Variants in ARMC3 observed in about 807,000 individuals in gnomAD.
The protein encoded by ARMC3 is armadillo repeat containing 3.
Under a neutral mutation model 90.3 loss-of-function variants are expected in ARMC3, and 74 were observed. That is an observed-to-expected ratio of 0.82 (90% CI 0.68 to 0.99). The LOEUF (loss-of-function observed/expected upper bound fraction) is 0.99. Ranked by LOEUF, ARMC3 falls within the 50% of genes least tolerant of loss-of-function variation. The probability of loss-of-function intolerance (pLI) is 0.00; values close to 1 mark genes in which losing one functional copy is unlikely to be tolerated. For missense variants in ARMC3, 958 were observed against 1,042.8 expected (o/e 0.92, Z 1.12); for synonymous variants, 334 against 361.8 (o/e 0.92, Z 0.87).
intron 16 of ARMC3, among the ~76,000 whole-genome samples, chr10:23,015,441 C>T (rs78407504): frequency 3.2e-4 from 49 of 152,308 alleles, no homozygotes; most frequent in African/African-American, 1.2e-3. Context: ...AAATAGCATT[C>T]ACTAGATCTG....
At chr10:22,959,011 C>T (rs1486012911) in intron 4 of ARMC3, 59 bp from the exon 5 acceptor site, 1 of 1,398,644 alleles carries the variant, frequency 7.1e-7, no homozygotes, top group Non-Finnish European at 1.0e-6. Context: ...GCATGAGCCA[C>T]CACACCCGGC....
intron 16 of ARMC3, among the ~76,000 whole-genome samples, chr10:23,014,890 A>C (rs994820238): frequency 2.8e-5 from 3 of 106,136 alleles, no homozygotes; most frequent in African/African-American, 1.1e-4. Context: ...TAATCTGTAC[A>C]AAAAAAAAAA....
chr10:23,022,087 A>G (rs1423635998), intron 16 of ARMC3, among the ~76,000 whole-genome samples: 1 of 152,166 alleles, frequency 6.6e-6, no homozygotes, highest in Admixed American at 6.5e-5. Context: ...ATTTATATCT[A>G]TAGAGTGTTT....
At chr10:22,968,227 T>A (rs1194898284) in intron 7 of ARMC3, 79 bp from the exon 8 acceptor site, 31 of 1,346,102 alleles carry the variant, frequency 2.3e-5, no homozygotes, top group African/African-American at 2.9e-5. Flanking sequence ...CTGACTGACT[T>A]TATTTCCTCT....
intron 2 of ARMC3, among the ~76,000 whole-genome samples, chr10:22,932,790 A>G (rs1395019911): frequency 6.6e-6 from 1 of 152,262 alleles, no homozygotes; most frequent in Non-Finnish European, 1.5e-5. Context: ...CTAATGGCAG[A>G]AATCTGCCCC....
At chr10:23,030,540 T>C (rs1193203847) in intron 16 of ARMC3, 56 bp from the exon 17 acceptor site, 2 of 1,553,712 alleles carry the variant, frequency 1.3e-6, no homozygotes, top group African/African-American at 1.4e-5. Context: ...GCAAGAGCAA[T>C]TGTTTGTTTG....
rs140145175 is a variant in ARMC3 at position 22,989,552 on chromosome 10, C to T, written c.1175+7852C>T. Among the ~76,000 whole-genome samples the T allele has an allele frequency of 1.0e-3, 157 of 150,900 alleles. 3 individuals are homozygous for T. In the East Asian group the frequency reaches 0.019, roughly 18 times the overall value. On this transcript the variant is annotated intron_variant, in intron 10 of 18. Transcript: ENST00000298032. ...TCTAGATCCTTTGAATTAGAATACT[C>T]ACAAGATGAGTATCTTGCAAGATAG...
At chr10:22,955,493 C>T in intron 3 of ARMC3, 1 of 201,936 alleles carries the variant, frequency 5.0e-6, no homozygotes, top group Non-Finnish European at 1.0e-5. Flanking sequence ...AAAAATACAG[C>T]AGGATAAAGA....
chr10:22,946,225 A>G lies in ARMC3; in HGVS notation c.130A>G (p.Lys44Glu). Residue 44 changes from lysine (K) to glutamate (E), a missense_variant, in exon 3 of 19, where the codon AAA (lysine) becomes GAA (glutamate). Coordinates refer to ENST00000298032, the MANE Select transcript of ARMC3 (RefSeq NM_173081.5). ...TTCTCCAGAAGAGGAAATTTTGGCT[A>G]AAGCATGTGAAGCCATTTATAAATT... ...LNSPEEEILA[K>E]ACEAIYKFAL... 1 of 1,611,908 alleles carries G rather than the reference A, an allele frequency of 6.2e-7. No homozygotes were observed. The highest frequency in any genetic ancestry group is 8.5e-7 in the Non-Finnish European group (1 of 1,178,818).
In ARMC3 at chr10:22,991,356, G is replaced by T. The variant is rs370874833; in HGVS notation, c.1176-6792G>T. 4.6e-5 allele frequency among the ~76,000 whole-genome samples: 7 copies of T among 152,168 alleles called. No homozygotes were observed. In the South Asian group the frequency reaches 6.2e-4, roughly 14 times the overall value. On this transcript the variant is annotated intron_variant, in intron 10 of 18. Coordinates refer to ENST00000298032, the MANE Select transcript of ARMC3 (RefSeq NM_173081.5). ...TCTGGAATCCAGCTTCTTCCACTGG[G>T]GGCCGGATGTGATCCGTCGGTACAG... is the stretch of plus-strand genomic sequence containing the variant.
At chr10:22,965,939 C>G (rs1287552240) in intron 7 of ARMC3, among the ~76,000 whole-genome samples, 1 of 152,200 alleles carries the variant, frequency 6.6e-6, no homozygotes, top group Non-Finnish European at 1.5e-5. Flanking sequence ...TCACCAACAC[C>G]TGTCCCTAAC....
chr10:23,010,928 CCCCT>C (rs755707521), intron 16 of ARMC3, among the ~76,000 whole-genome samples: 30,458 of 39,422 alleles, frequency 0.77, 12,951 homozygotes, highest in Middle Eastern at 0.89. Context: ...CCCTTCCCTC[CCCCT>C]TCCTTCCTTT....
intron 16 of ARMC3, among the ~76,000 whole-genome samples, chr10:23,026,730 T>C (rs1008789641): frequency 4.6e-5 from 7 of 152,168 alleles, no homozygotes; most frequent in Non-Finnish European, 1.0e-4. Context: ...CAAGTTTATT[T>C]TTCTTCTACA....
intron 7 of ARMC3, among the ~76,000 whole-genome samples, chr10:22,963,276 A>G (rs960848241): frequency 4.6e-5 from 7 of 152,202 alleles, no homozygotes; most frequent in African/African-American, 7.2e-5. Context: ...ATAATCATAT[A>G]TACCTATTAT....
At chr10:23,001,159 G>C (rs1382762415) in intron 11 of ARMC3, among the ~76,000 whole-genome samples, 1 of 152,176 alleles carries the variant, frequency 6.6e-6, no homozygotes. Flanking sequence ...GTCCTTGCTG[G>C]CATCGGTTCA....
rs754104476 is a variant in ARMC3, at chr10:23,037,253, CTT to C, written c.2410-16_2410-15del. 7.7e-6 allele frequency: 12 copies of C among 1,564,912 alleles called. No homozygotes were observed. The African/African-American group carries it at 9.5e-5, about 12-fold the overall frequency. ...CTCCCGCACCACCCTTGGTTGATCTCTTGTTTTCTCCTGCAGGCTCTGGCTGA... is the reference window on the plus strand; with the variant it reads ...CTCCCGCACCACCCTTGGTTGATCTCGTTTTCTCCTGCAGGCTCTGGCTGA... On this transcript the variant is annotated splice_polypyrimidine_tract_variant and intron_variant, in intron 18 of 18. Coordinates refer to ENST00000298032, the MANE Select transcript of ARMC3 (RefSeq NM_173081.5).
chr10:22,952,980 G>A (rs1834793909), intron 3 of ARMC3, among the ~76,000 whole-genome samples: 1 of 152,160 alleles, frequency 6.6e-6, no homozygotes, highest in South Asian at 2.1e-4. Flanking sequence ...TACATGACAA[G>A]GGATAAATAA....
chr10:23,029,546 T>C (rs1838840355), intron 16 of ARMC3, among the ~76,000 whole-genome samples: 2 of 152,160 alleles, frequency 1.3e-5, no homozygotes, highest in Admixed American at 6.6e-5. Context: ...CAAAGAACCA[T>C]TGAGGTGGAA....
chr10:22,979,031 G>T (rs2131329160), intron 8 of ARMC3, among the ~76,000 whole-genome samples: 1 of 152,320 alleles, frequency 6.6e-6, no homozygotes, highest in Middle Eastern at 3.4e-3. Flanking sequence ...CCAGTAGGAG[G>T]AAGGTGTTAA....
Sources: allele counts gnomAD v4.1 joint callset (sites outside exome capture counted in the v4.1 genomes callset), GRCh38; gene constraint gnomAD v4.1.1; transcripts MANE v1.5; gene names NCBI Gene and HGNC (gene_info 2026-07-23, HGNC 2026-07-21).